ARL13B: variants seen among roughly 807,000 people sequenced by gnomAD.
The protein encoded by ARL13B is ADP-ribosylation factor-like protein 13B.
A neutral mutation model predicts 56.1 loss-of-function variants in ARL13B; 36 were observed. The observed-to-expected ratio is 0.64, with a 90% CI of 0.49 to 0.85. The LOEUF is 0.85. Among genes scored for constraint, ARL13B ranks in the 40% least tolerant of loss-of-function variants. ARL13B has a pLI of 0.00. For missense variants in ARL13B, 519 were observed against 507.1 expected (o/e 1.02, Z -0.23); for synonymous variants, 178 against 171.1 (o/e 1.04, Z -0.32).
chr3:93,991,986 A>G (rs1277301034), intron 1 of ARL13B, among the ~76,000 whole-genome samples: 1 of 152,232 alleles, frequency 6.6e-6, no homozygotes, highest in East Asian at 1.9e-4. Flanking sequence ...AAGTGAAAAT[A>G]GAAATAGAAT....
rs757564877 is a variant in ARL13B at position 94,053,646 on chromosome 3, G to T, written c.*383G>T. 2.3e-6 allele frequency: 1 copy of T among 441,866 alleles called. No individual in the cohort carries two copies. Among genetic ancestry groups the T allele is most frequent in the South Asian group, 1.7e-5 (1 of 59,132 alleles). 27.4% of individuals were successfully genotyped at this position (441,866 alleles called of 1,614,324 possible). On this transcript the variant is annotated 3_prime_UTR_variant, in exon 10 of 10. Transcript: ENST00000394222. ...TATTTCTAGATATTAAATATTTTTT[G>T]TAAGATATATGCACATAGAAGGGGG...
chr3:94,017,324 A>T (rs907991882), intron 3 of ARL13B, among the ~76,000 whole-genome samples: 3 of 152,198 alleles, frequency 2.0e-5, no homozygotes, highest in African/African-American at 7.2e-5. Context: ...TTACATGGAA[A>T]GAGGTTTGAT....
chr3:93,996,418 C>T (rs866806812), intron 2 of ARL13B: 31 of 170,574 alleles, frequency 1.8e-4, no homozygotes, highest in African/African-American at 4.1e-4. Flanking sequence ...TATCATTAAA[C>T]GGCTTTATAT....
chr3:94,023,189 C>T (rs1575999903), intron 3 of ARL13B, among the ~76,000 whole-genome samples: 1 of 151,966 alleles, frequency 6.6e-6, no homozygotes, highest in East Asian at 1.9e-4. Context: ...CTGTCCTATA[C>T]TTGAATACTA....
chr3:94,044,368 GTC>G (rs2076936496), intron 7 of ARL13B, among the ~76,000 whole-genome samples: 1 of 139,654 alleles, frequency 7.2e-6, no homozygotes, highest in African/African-American at 2.7e-5. Flanking sequence ...TGTGAGGAGC[GTC>G]TCTGCCCAGC....
At chr3:94,008,629 T>TA (rs1360868071) in intron 3 of ARL13B, among the ~76,000 whole-genome samples, 1 of 152,144 alleles carries the variant, frequency 6.6e-6, no homozygotes, top group Non-Finnish European at 1.5e-5. Flanking sequence ...TAAGAAAGCA[T>TA]ATGCTCTTTC....
At chr3:94,037,301 C>G (rs1243711031) in intron 5 of ARL13B, among the ~76,000 whole-genome samples, 1 of 152,160 alleles carries the variant, frequency 6.6e-6, no homozygotes. Context: ...TCAACTCAAG[C>G]AAAATCTGAT....
chr3:94,038,219 T>A (rs1402902214), intron 5 of ARL13B, among the ~76,000 whole-genome samples: 1 of 152,208 alleles, frequency 6.6e-6, no homozygotes, highest in Non-Finnish European at 1.5e-5. Flanking sequence ...TGTTCTCACA[T>A]ATATTACTTT....
chr3:94,044,282 G>A (rs1016489838), intron 7 of ARL13B, among the ~76,000 whole-genome samples: 1 of 151,114 alleles, frequency 6.6e-6, no homozygotes, highest in African/African-American at 2.4e-5. Context: ...TGTCTGGGAA[G>A]TGAGGAGCGC....
intron 7 of ARL13B, among the ~76,000 whole-genome samples, chr3:94,046,520 T>G (rs2076987206): frequency 6.6e-6 from 1 of 152,174 alleles, no homozygotes; most frequent in Admixed American, 6.5e-5. Flanking sequence ...TCCATTCTTT[T>G]TTATTGCTCT....
intron 1 of ARL13B, among the ~76,000 whole-genome samples, chr3:93,981,731 G>A (rs1710225016): frequency 6.6e-6 from 1 of 151,662 alleles, no homozygotes; most frequent in Non-Finnish European, 1.5e-5. Context: ...TAAAATAAAC[G>A]GGCACGGTGA....
At chr3:93,994,310 ACT>A (rs1218565796) in intron 1 of ARL13B, among the ~76,000 whole-genome samples, 1 of 151,600 alleles carries the variant, frequency 6.6e-6, no homozygotes, top group African/African-American at 2.4e-5. Context: ...TGCATGACTC[ACT>A]CTCTCCTTCA....
chr3:94,048,774 C>T (rs2107188581), intron 7 of ARL13B, among the ~76,000 whole-genome samples: 1 of 151,678 alleles, frequency 6.6e-6, no homozygotes, highest in Admixed American at 6.6e-5. Flanking sequence ...TTTTTTTTCC[C>T]CCATAGAGAT....
intron 3 of ARL13B, among the ~76,000 whole-genome samples, chr3:94,019,252 A>G (rs1238987287): frequency 6.6e-6 from 1 of 151,816 alleles, no homozygotes; most frequent in East Asian, 1.9e-4. Context: ...GCTGGAGTGC[A>G]GTGGCACAAT....
intron 1 of ARL13B, among the ~76,000 whole-genome samples, chr3:93,991,864 C>T (rs2075882778): frequency 6.6e-6 from 1 of 152,040 alleles, no homozygotes; most frequent in South Asian, 2.1e-4. Context: ...ATTTGTACTC[C>T]TTGTTAGTTA....
At position 94,055,110 on chromosome 3, in the gene ARL13B, C is replaced by A; in HGVS notation, c.*1847C>A. On this transcript the variant is annotated 3_prime_UTR_variant, in exon 10 of 10. Transcript: ENST00000394222. ...AATATAGAATTCACATTTTATATAG[C>A]TCTCTCAAAAATTAATTTTTATTCC... 1 of 366,190 alleles carries A rather than the reference C, an allele frequency of 2.7e-6. No individual in the cohort carries two copies. Among genetic ancestry groups the A allele is most frequent in the South Asian group, 2.2e-5 (1 of 45,840 alleles). The allele number at this position is 366,190 out of a possible 1,614,324, so 22.7% of individuals were successfully genotyped here.
chr3:93,995,165 GGTTT>G (rs2075944490), intron 1 of ARL13B, among the ~76,000 whole-genome samples: 1 of 152,104 alleles, frequency 6.6e-6, no homozygotes, highest in African/African-American at 2.4e-5. Context: ...CAGTATAATA[GGTTT>G]GTTCCTTTAT....
At chr3:94,020,945 T>A (rs969628941) in intron 3 of ARL13B, among the ~76,000 whole-genome samples, 1 of 152,076 alleles carries the variant, frequency 6.6e-6, no homozygotes, top group Non-Finnish European at 1.5e-5. Context: ...CCTCTGCATA[T>A]TTTTATTGTC....
chr3:94,050,909 G>A lies in ARL13B; in HGVS notation c.1210+17G>A, dbSNP rs1295201630. The A allele has an allele frequency of 1.2e-6, 2 of 1,609,322 alleles. No individual in the cohort carries two copies. Among genetic ancestry groups the A allele is most frequent in the Non-Finnish European group, 1.7e-6 (2 of 1,176,626 alleles). ...ATCATAATGGTAATGCAAAAGGATT[G>A]GTTTTCAGATATCATCTGTACATGT... On this transcript the variant is annotated intron_variant, in intron 9 of 9. Transcript: ENST00000394222.
Sources: gnomAD v4.1 joint callset for allele counts (sites outside exome capture counted in the v4.1 genomes callset) on GRCh38, gnomAD v4.1.1 for gene constraint, MANE v1.5 for transcripts, NCBI Gene and HGNC (gene_info 2026-07-23, HGNC 2026-07-21) for gene names.